PYGL: variants seen among roughly 807,000 people sequenced by gnomAD.
PYGL encodes the protein glycogen phosphorylase, liver form.
PYGL carries 90 observed loss-of-function variants against 100.1 expected under a neutral mutation model. That is an observed-to-expected ratio of 0.90 (90% CI 0.76 to 1.07). The LOEUF is 1.07. Among genes scored for constraint, PYGL ranks in the 50% least tolerant of loss-of-function variants. The pLI is 0.00. For synonymous variants in PYGL, 373 were observed against 393.0 expected (o/e 0.95, Z 0.60); for missense variants, 1,016 against 1,057.6 (o/e 0.96, Z 0.55).
intron 7 of PYGL, 89 bp from the exon 8 acceptor site, chr14:50,917,194 A>G: frequency 7.0e-7 from 1 of 1,431,214 alleles, no homozygotes; most frequent in Non-Finnish European, 9.8e-7. Context: ...GAACTTTAAG[A>G]CTAAGGCCCA....
In PYGL at chr14:50,944,218, G is replaced by T; in HGVS notation, c.186C>A (p.Asp62Glu). The change falls in exon 1 of 20, where the codon GAC (aspartate) becomes GAA (glutamate). Residue 62 changes from aspartate to glutamate, a missense_variant. Physicochemically the swap from Asp to Glu is conservative, Grantham distance 45. Transcript: ENST00000216392. ...YYFALAHTVR[D>E]HLVGRWIRTQ... ...TGCGGATCCAGCGCCCCACCAGGTG[G>T]TCGCGCACCGTGTGCGCCAGCGCGA... is the stretch of plus-strand genomic sequence containing the variant. 1 of 1,612,616 alleles carries T rather than the reference G, an allele frequency of 6.2e-7. No homozygotes were observed. Among genetic ancestry groups the T allele is most frequent in the Non-Finnish European group, 8.5e-7 (1 of 1,179,846 alleles).
chr14:50,912,145 G>A lies in PYGL; in HGVS notation c.1768+11C>T. On this transcript the variant is annotated intron_variant, in intron 14 of 19. Coordinates refer to ENST00000216392, the MANE Select transcript of PYGL (RefSeq NM_002863.5). ...CTGCAAGGGGGCTTGTTGGCTACAGGGCTGACTCACGGTTGTACATCGTGA... is the reference window on the plus strand; with the variant it reads ...CTGCAAGGGGGCTTGTTGGCTACAGAGCTGACTCACGGTTGTACATCGTGA... 6.2e-7 allele frequency: 1 copy of A among 1,614,208 alleles called. No homozygotes were observed. The highest frequency in any genetic ancestry group is 8.5e-7 in the Non-Finnish European group (1 of 1,180,038).
At position 50,915,392 on chromosome 14, in the gene PYGL, A is replaced by G. The variant is rs771528676; in HGVS notation, c.1347T>C (p.Gly449=). 3 of 1,614,056 alleles carry G rather than the reference A, an allele frequency of 1.9e-6. No individual in the cohort carries two copies. The highest frequency in any genetic ancestry group is 2.5e-6 in the Non-Finnish European group (3 of 1,180,036). The change falls in exon 11 of 20, where the codon GGT becomes GGC. Residue 449 remains glycine (G), a synonymous_variant. Coordinates refer to ENST00000216392, the MANE Select transcript of PYGL (RefSeq NM_002863.5). ...RINMAHLCIV[G]SHAVNGVAKI... ...TAGCCACGCCATTCACAGCATGGGA[A>G]CCGACAATGCAGAGATGGGCCATGT... is the stretch of plus-strand genomic sequence containing the variant.
Position 50,931,791 on chromosome 14 carries a change from G to A in PYGL, c.425-15C>T, listed in dbSNP as rs1410707972. On this transcript the variant is annotated splice_polypyrimidine_tract_variant and intron_variant, in intron 3 of 19. Coordinates refer to ENST00000216392, the MANE Select transcript of PYGL (RefSeq NM_002863.5). ...CAAGAAGCAGGCTACATTCAACAGA[G>A]CACAGGCAAAAGATAGAGTCATTAA... 8 of 1,607,712 alleles carry A rather than the reference G, an allele frequency of 5.0e-6. No homozygotes were observed. The highest frequency in any genetic ancestry group is 6.8e-6 in the Non-Finnish European group (8 of 1,174,574).
intron 17 of PYGL, 128 bp from the exon 18 acceptor site, chr14:50,909,083 T>C (rs2050364391): frequency 4.8e-6 from 5 of 1,051,402 alleles, no homozygotes; most frequent in Non-Finnish European, 7.0e-6. Context: ...AAAGACTTCA[T>C]TATAGATTTC....
At chr14:50,922,707 C>T (rs2050513106) in intron 5 of PYGL, among the ~76,000 whole-genome samples, 1 of 152,170 alleles carries the variant, frequency 6.6e-6, no homozygotes, top group South Asian at 2.1e-4. Flanking sequence ...GTGTCAGGCT[C>T]CATCAGCCTG....
At chr14:50,937,138 G>A (rs1479521494) in intron 2 of PYGL, among the ~76,000 whole-genome samples, 2 of 152,182 alleles carry the variant, frequency 1.3e-5, no homozygotes, top group Non-Finnish European at 2.9e-5. Flanking sequence ...CATCAAAAAG[G>A]TTAAGGGCTA....
intron 8 of PYGL, 93 bp downstream of exon 8, chr14:50,916,869 G>T (rs953747092): frequency 2.6e-6 from 4 of 1,557,976 alleles, no homozygotes; most frequent in Non-Finnish European, 3.5e-6. Flanking sequence ...CCTGCTCAAC[G>T]TTGTTAGCAC....
chr14:50,920,918 C>T (rs1158515408), intron 6 of PYGL, 38 bp downstream of exon 6: 1 of 1,553,010 alleles, frequency 6.4e-7, no homozygotes. Context: ...AAAGATTAAG[C>T]ACACGCATAA....
chr14:50,905,698 T>A (rs1344278670), intron 19 of PYGL, 142 bp from the exon 20 acceptor site: 2 of 862,528 alleles, frequency 2.3e-6, no homozygotes, highest in Non-Finnish European at 3.8e-6. Flanking sequence ...TATTCTTGTT[T>A]GTCTGTTGAG....
intron 19 of PYGL, 77 bp from the exon 20 acceptor site, chr14:50,905,633 T>C: frequency 7.4e-7 from 1 of 1,347,470 alleles, no homozygotes; most frequent in Non-Finnish European, 1.1e-6. Context: ...GCCAAGCACA[T>C]CCAAACACAT....
At chr14:50,917,691 C>A (rs1596038375) in intron 7 of PYGL, among the ~76,000 whole-genome samples, 2 of 152,348 alleles carry the variant, frequency 1.3e-5, no homozygotes, top group East Asian at 3.9e-4. Context: ...GCTGAGAATG[C>A]CCTACATGAC....
intron 4 of PYGL, among the ~76,000 whole-genome samples, chr14:50,926,275 C>T (rs1013673372): frequency 7.3e-5 from 11 of 151,520 alleles, no homozygotes; most frequent in East Asian, 3.9e-4. Flanking sequence ...TGCTTGAGCC[C>T]GGGAGGTCAG....
chr14:50,926,209 A>C (rs948320593), intron 4 of PYGL, among the ~76,000 whole-genome samples: 2 of 151,872 alleles, frequency 1.3e-5, no homozygotes, highest in Admixed American at 6.6e-5. Context: ...AAATTAGCCG[A>C]GTGTGGTGGT....
rs186345168 is a variant in PYGL at position 50,909,850 on chromosome 14, G to C, written c.2177+45C>G. 2.4e-4 allele frequency: 378 copies of C among 1,602,038 alleles called. No individual in the cohort carries two copies. In the East Asian group the frequency reaches 3.7e-3, roughly 16 times the overall value. ...CCCTCTGAGGTCACATACCTTCTAG[G>C]GGGGAGGGGCAGTCCTGCCTAGCAA... On this transcript the variant is annotated intron_variant, in intron 17 of 19. Coordinates refer to ENST00000216392, the MANE Select transcript of PYGL (RefSeq NM_002863.5).
intron 2 of PYGL, among the ~76,000 whole-genome samples, chr14:50,937,528 A>C (rs1472817661): frequency 6.6e-6 from 1 of 152,260 alleles, no homozygotes; most frequent in Non-Finnish European, 1.5e-5. Context: ...CTCATGAGTC[A>C]TAACGAGTTA....
Position 50,920,760 on chromosome 14 carries a change from C to G in PYGL, c.773-137G>C, listed in dbSNP as rs1303703305. 3 of 1,080,194 alleles carry G rather than the reference C, an allele frequency of 2.8e-6. No homozygotes were observed. The South Asian group carries it at 4.0e-5, about 14-fold the overall frequency. The allele number at this position is 1,080,194 out of a possible 1,614,324, so 66.9% of individuals were successfully genotyped here. A position where few individuals can be genotyped will look rare whatever the true frequency, so the allele number is the denominator to read the frequency against. On this transcript the variant is annotated intron_variant, in intron 6 of 19. Transcript: ENST00000216392. ...AAAATCCCAAAGGATTTCAACACAC[C>G]GTCATGCTGGACTTCACATGAGAAT...
At chr14:50,915,765 A>G in intron 10 of PYGL, 60 bp downstream of exon 10, 2 of 1,576,978 alleles carry the variant, frequency 1.3e-6, no homozygotes, top group Non-Finnish European at 1.7e-6. Context: ...CACTGTAGCC[A>G]TCTGTAACAC....
chr14:50,910,962 TG>T, intron 16 of PYGL, among the ~76,000 whole-genome samples: 1 of 152,244 alleles, frequency 6.6e-6, no homozygotes, highest in Non-Finnish European at 1.5e-5. Context: ...GTGGATTAGA[TG>T]TATCTTCTTT....
Sources: allele counts gnomAD v4.1 joint callset (sites outside exome capture counted in the v4.1 genomes callset), GRCh38; gene constraint gnomAD v4.1.1; transcripts MANE v1.5; gene names NCBI Gene and HGNC (gene_info 2026-07-23, HGNC 2026-07-21).